PLCB1: variants seen among roughly 807,000 people sequenced by gnomAD.
PLCB1 encodes phospholipase C beta 1.
In PLCB1, 46 loss-of-function variants were observed where a neutral mutation model predicts 161.8. The observed-to-expected ratio is 0.28, with a 90% CI of 0.22 to 0.36. PLCB1 has a LOEUF of 0.36. Ranked by LOEUF, PLCB1 falls within the 10% of genes least tolerant of loss-of-function variation. PLCB1 has a pLI of 1.00. For missense variants in PLCB1, 1,016 were observed against 1,472.5 expected, an observed-to-expected ratio of 0.69 and a Z score of 5.07; for synonymous variants, 517 against 503.7, an observed-to-expected ratio of 1.03 and a Z score of -0.35.
At chr20:8,430,291 G>A (rs1979979901) in intron 3 of PLCB1, among the ~76,000 whole-genome samples, 1 of 152,032 alleles carries the variant, frequency 6.6e-6, no homozygotes, top group Non-Finnish European at 1.5e-5. Context: ...AGACCTAGGG[G>A]ACAGGGAGAG....
intron 31 of PLCB1, among the ~76,000 whole-genome samples, chr20:8,828,646 AT>A (rs1291314560): frequency 6.6e-6 from 1 of 152,154 alleles, no homozygotes; most frequent in African/African-American, 2.4e-5. Context: ...CAGAACTAGG[AT>A]TGTGTCTTCT....
intron 2 of PLCB1, among the ~76,000 whole-genome samples, chr20:8,345,535 A>G (rs564879266): frequency 6.6e-6 from 1 of 152,304 alleles, no homozygotes; most frequent in South Asian, 2.1e-4. Flanking sequence ...TTTCTGGTCC[A>G]GGCACTGTCC....
intron 3 of PLCB1, among the ~76,000 whole-genome samples, chr20:8,478,109 T>C (rs1182561759): frequency 6.6e-6 from 1 of 152,190 alleles, no homozygotes; most frequent in Non-Finnish European, 1.5e-5. Flanking sequence ...GTTTTGTTAA[T>C]TTGCAGTGGT....
At chr20:8,411,404 A>G (rs974469672) in intron 3 of PLCB1, among the ~76,000 whole-genome samples, 1 of 152,216 alleles carries the variant, frequency 6.6e-6, no homozygotes, top group Non-Finnish European at 1.5e-5. Flanking sequence ...TTTAAAATAT[A>G]TGTATAACTC....
At chr20:8,716,973 A>G (rs771965690) in intron 13 of PLCB1, among the ~76,000 whole-genome samples, 7 of 152,222 alleles carry the variant, frequency 4.6e-5, no homozygotes, top group Non-Finnish European at 7.3e-5. Flanking sequence ...TAGGCATTCT[A>G]TAGATTTTCT....
chr20:8,408,731 C>T (rs1978898996), intron 3 of PLCB1, among the ~76,000 whole-genome samples: 1 of 152,112 alleles, frequency 6.6e-6, no homozygotes, highest in African/African-American at 2.4e-5. Context: ...TAAAAAAAGT[C>T]AACTGTGTTA....
intron 3 of PLCB1, among the ~76,000 whole-genome samples, chr20:8,476,910 C>A (rs1414623367): frequency 6.6e-6 from 1 of 152,110 alleles, no homozygotes; most frequent in Non-Finnish European, 1.5e-5. Flanking sequence ...GGCCATTGAT[C>A]AAAGATTCTG....
chr20:8,391,777 A>ACT (rs1987594575), intron 3 of PLCB1, among the ~76,000 whole-genome samples: 1 of 50,904 alleles, frequency 2.0e-5, no homozygotes. Context: ...ATATATATAT[A>ACT]TGTGTGTGTA....
chr20:8,379,127 G>T (rs933318860), intron 3 of PLCB1, among the ~76,000 whole-genome samples: 3 of 151,750 alleles, frequency 2.0e-5, no homozygotes, highest in African/African-American at 7.3e-5. Flanking sequence ...ACAGGCCCTG[G>T]TTTGTGACAT....
chr20:8,222,712 C>CT lies in PLCB1; in HGVS notation c.177+72347dup, dbSNP rs555833888. ...GGGACTCCAATTACATGCCGTTAGA[C>CT]TTTTTTATGTTGCCCTATTTTACAT... On this transcript the variant is annotated intron_variant, in intron 2 of 31. Transcript: ENST00000338037. Among the ~76,000 whole-genome samples the CT allele has an allele frequency of 1.1e-3, 163 of 152,202 alleles. 2 individuals are homozygous for CT. Among genetic ancestry groups the CT allele is most frequent in the South Asian group, 3.3e-3 (16 of 4,818 alleles).
chr20:8,860,897 G>C (rs1987233430), intron 31 of PLCB1, among the ~76,000 whole-genome samples: 1 of 152,142 alleles, frequency 6.6e-6, no homozygotes, highest in African/African-American at 2.4e-5. Context: ...GTGACATCAT[G>C]GTGGACACAA....
intron 3 of PLCB1, among the ~76,000 whole-genome samples, chr20:8,586,677 G>A (rs1353824870): frequency 3.3e-5 from 5 of 152,174 alleles, no homozygotes; most frequent in South Asian, 2.1e-4. Flanking sequence ...TGTTAAATTC[G>A]CAGATTAGAG....
intron 3 of PLCB1, among the ~76,000 whole-genome samples, chr20:8,544,185 TA>T (rs989401232): frequency 6.6e-6 from 1 of 151,750 alleles, no homozygotes; most frequent in African/African-American, 2.4e-5. Flanking sequence ...GTTGAAAATT[TA>T]AAAAAAAGGC....
chr20:8,306,042 C>G (rs1484628494), intron 2 of PLCB1: 1 of 152,156 alleles, frequency 6.6e-6, no homozygotes, highest in Non-Finnish European at 1.5e-5. Context: ...AGGACTTGTT[C>G]TCTTACATCT....
intron 3 of PLCB1, among the ~76,000 whole-genome samples, chr20:8,403,770 G>A (rs1158606340): frequency 6.6e-5 from 10 of 152,088 alleles, no homozygotes; most frequent in African/African-American, 2.4e-4. Flanking sequence ...TTCCTCAGGG[G>A]AAAATCTATA....
At chr20:8,614,048 A>G (rs994720346) in intron 3 of PLCB1, among the ~76,000 whole-genome samples, 2 of 152,136 alleles carry the variant, frequency 1.3e-5, no homozygotes, top group African/African-American at 2.4e-5. Context: ...GAATAGGGGG[A>G]TTATAGCCTT....
intron 31 of PLCB1, among the ~76,000 whole-genome samples, chr20:8,833,069 G>GT (rs1413965486): frequency 2.0e-5 from 3 of 152,174 alleles, no homozygotes; most frequent in Non-Finnish European, 4.4e-5. Context: ...TGTTATAAAG[G>GT]TAAGGATTTT....
chr20:8,339,737 T>C (rs1314312458), intron 2 of PLCB1, among the ~76,000 whole-genome samples: 1 of 152,140 alleles, frequency 6.6e-6, no homozygotes, highest in Admixed American at 6.5e-5. Flanking sequence ...GATACATAAC[T>C]TTGGGCCAGT....
intron 3 of PLCB1, among the ~76,000 whole-genome samples, chr20:8,406,755 T>C (rs934825978): frequency 6.6e-6 from 1 of 152,208 alleles, no homozygotes; most frequent in Non-Finnish European, 1.5e-5. Context: ...TTACCAGTAT[T>C]ACAGTAAATT....
Sources: allele counts gnomAD v4.1 joint callset (sites outside exome capture counted in the v4.1 genomes callset), GRCh38; gene constraint gnomAD v4.1.1; transcripts MANE v1.5; gene names NCBI Gene and HGNC (gene_info 2026-07-23, HGNC 2026-07-21).